Variants in ANXA4 observed in about 807,000 individuals in gnomAD.
ANXA4 encodes annexin A4.
In ANXA4, 39 loss-of-function variants were observed where a neutral mutation model predicts 49.8. The ratio of observed to expected loss-of-function variants is 0.78; its 90% confidence interval spans 0.61 to 1.02. The LOEUF (loss-of-function observed/expected upper bound fraction) is 1.02, where lower values mean the gene tolerates loss of function less well. ANXA4 is among the 50% of genes least tolerant of loss of function. The probability of loss-of-function intolerance (pLI) is 0.00; values close to 1 mark genes in which losing one functional copy is unlikely to be tolerated. For synonymous variants in ANXA4, 134 were observed against 152.5 expected (o/e 0.88, Z 0.89); for missense variants, 360 against 410.1 (o/e 0.88, Z 1.05).
upstream of ANXA4, among the ~76,000 whole-genome samples, chr2:69,737,358 A>G (rs193299532): frequency 3.3e-4 from 50 of 152,220 alleles, no homozygotes; most frequent in Non-Finnish European, 6.2e-4. Context: ...TTAGTTCTCA[A>G]AATATATAAT....
intron 2 of ANXA4, among the ~76,000 whole-genome samples, chr2:69,656,920 AAAC>A (rs1219771681): frequency 6.6e-6 from 1 of 152,148 alleles, no homozygotes; most frequent in Non-Finnish European, 1.5e-5. Flanking sequence ...TTTCAGCTGG[AAAC>A]AACTGTGAAA....
intron 5 of ANXA4, 96 bp from the exon 6 acceptor site, chr2:69,807,810 T>G: frequency 9.6e-7 from 1 of 1,045,190 alleles, no homozygotes; most frequent in Non-Finnish European, 1.4e-6. Context: ...ATTGTCTTTA[T>G]TCTCTGCAGA....
intron 2 of ANXA4, among the ~76,000 whole-genome samples, chr2:69,708,596 C>T (rs1374467191): frequency 1.3e-5 from 2 of 152,022 alleles, no homozygotes; most frequent in Non-Finnish European, 2.9e-5. Flanking sequence ...ATCGGGGAGA[C>T]AGATGCATTT....
intron 2 of ANXA4, among the ~76,000 whole-genome samples, chr2:69,662,992 C>CTTTTTTTTTTTTTTTTTT (rs746269236): frequency 8.1e-6 from 1 of 123,200 alleles, no homozygotes; most frequent in Admixed American, 1.0e-4. Flanking sequence ...TTTTCTTTTT[C>CTTTTTTTTTTTTTTTTTT]TTTTTTTTTT....
chr2:69,814,741 G>GGGGT (rs1414504730), intron 8 of ANXA4: 5 of 128,518 alleles, frequency 3.9e-5, no homozygotes, highest in Non-Finnish European at 6.3e-5. Context: ...GAGACACAGA[G>GGGGT]GGGTGTGTGT....
At chr2:69,751,351 T>C (rs558981633) in intron 1 of ANXA4, among the ~76,000 whole-genome samples, 1 of 151,750 alleles carries the variant, frequency 6.6e-6, no homozygotes, top group South Asian at 2.1e-4. Context: ...ACCAAAGATA[T>C]AAAACAATTG....
chr2:69,797,728 A>G (rs865799055), intron 3 of ANXA4, among the ~76,000 whole-genome samples: 1 of 152,206 alleles, frequency 6.6e-6, no homozygotes, highest in Non-Finnish European at 1.5e-5. Flanking sequence ...TAACAGAGAG[A>G]GTACTGAGAC....
intron 2 of ANXA4, among the ~76,000 whole-genome samples, chr2:69,675,438 T>C (rs1677372221): frequency 6.6e-6 from 1 of 152,272 alleles, no homozygotes; most frequent in Non-Finnish European, 1.5e-5. Flanking sequence ...AATTTTATTT[T>C]AAAAGGATCT....
chr2:69,659,740 A>T (rs1676640367), intron 2 of ANXA4, among the ~76,000 whole-genome samples: 1 of 152,210 alleles, frequency 6.6e-6, no homozygotes, highest in Non-Finnish European at 1.5e-5. Flanking sequence ...GGGCAACATG[A>T]TGAGACTTTA....
intron 2 of ANXA4, among the ~76,000 whole-genome samples, chr2:69,681,830 T>A (rs1284722109): frequency 1.3e-5 from 2 of 151,902 alleles, no homozygotes; most frequent in Non-Finnish European, 1.5e-5. Flanking sequence ...GGGGTTTGGA[T>A]TGTTCTTGCT....
chr2:69,758,175 G>A (rs1671138183), intron 1 of ANXA4, among the ~76,000 whole-genome samples: 1 of 152,086 alleles, frequency 6.6e-6, no homozygotes, highest in South Asian at 2.1e-4. Context: ...ACCATGCCCA[G>A]GTAATTTTTG....
intron 3 of ANXA4, among the ~76,000 whole-genome samples, chr2:69,724,077 G>A (rs538081394): frequency 1.3e-5 from 2 of 152,286 alleles, no homozygotes; most frequent in East Asian, 1.9e-4. Flanking sequence ...CCAAGATCGC[G>A]CCATTGCACT....
chr2:69,689,493 TA>T (rs1416192126), intron 2 of ANXA4, among the ~76,000 whole-genome samples: 1 of 152,164 alleles, frequency 6.6e-6, no homozygotes, highest in Non-Finnish European at 1.5e-5. Context: ...AAGACATCAA[TA>T]AAATTACTTA....
At chr2:69,707,711 A>G (rs1349750338) in intron 2 of ANXA4, among the ~76,000 whole-genome samples, 1 of 152,194 alleles carries the variant, frequency 6.6e-6, no homozygotes, top group African/African-American at 2.4e-5. Context: ...CCCCTCAAAC[A>G]TTTATCCTTT....
At chr2:69,804,812 G>A (rs531396696) in intron 4 of ANXA4, among the ~76,000 whole-genome samples, 185 bp downstream of exon 4, 4 of 152,136 alleles carry the variant, frequency 2.6e-5, no homozygotes, top group African/African-American at 7.2e-5. Context: ...TTGGGAGACC[G>A]AGGTGGGTGG....
intron 1 of ANXA4, among the ~76,000 whole-genome samples, chr2:69,648,347 G>A (rs182253914): frequency 7.2e-5 from 11 of 152,272 alleles, no homozygotes; most frequent in Admixed American, 2.0e-4. Context: ...CCGTCTTTTA[G>A]CGAAGTGGAA....
At chr2:69,752,547 G>A (rs1394052786) in intron 1 of ANXA4, among the ~76,000 whole-genome samples, 1 of 152,160 alleles carries the variant, frequency 6.6e-6, no homozygotes, top group Non-Finnish European at 1.5e-5. Context: ...ATCTGGGTCA[G>A]GGGCCTCTCC....
intron 1 of ANXA4, among the ~76,000 whole-genome samples, chr2:69,773,837 G>T (rs1671846100): frequency 6.6e-6 from 1 of 151,498 alleles, no homozygotes; most frequent in Non-Finnish European, 1.5e-5. Flanking sequence ...TCACCATATT[G>T]GTCAGGCTGG....
At chr2:69,691,940 C>T (rs974247764) in intron 2 of ANXA4, among the ~76,000 whole-genome samples, 2 of 152,204 alleles carry the variant, frequency 1.3e-5, no homozygotes, top group South Asian at 2.1e-4. Flanking sequence ...GGCTGGAGTG[C>T]AGTGGCGTGA....
Sources: gnomAD v4.1 joint callset for allele counts (sites outside exome capture counted in the v4.1 genomes callset) on GRCh38, gnomAD v4.1.1 for gene constraint, MANE v1.5 for transcripts, NCBI Gene and HGNC (gene_info 2026-07-23, HGNC 2026-07-21) for gene names.